Variants in PRKAG2 observed in about 807,000 individuals in gnomAD.
The protein encoded by PRKAG2 is 5'-AMP-activated protein kinase subunit gamma-2.
In PRKAG2, 26 loss-of-function variants were observed where a neutral mutation model predicts 69.6. The observed-to-expected ratio is 0.37, with a 90% confidence interval of 0.27 to 0.52. PRKAG2 has a LOEUF of 0.52. Among genes scored for constraint, PRKAG2 ranks in the 20% least tolerant of loss-of-function variants. The probability of loss-of-function intolerance (pLI) is 0.90; values close to 1 mark genes in which losing one functional copy is unlikely to be tolerated. For synonymous variants in PRKAG2, 293 were observed against 285.0 expected (o/e 1.03, Z -0.28); for missense variants, 557 against 740.0 (o/e 0.75, Z 2.87).
rs962215678 is a variant in PRKAG2 at position 151,835,125 on chromosome 7, G to A, written c.114+41382C>T. ...GGAAACGACCCTGTTTCCAAAAGAG[G>A]TCACATTCACAGGTACAGAGGGTTA... On this transcript the variant is annotated intron_variant, in intron 1 of 15. Transcript: ENST00000287878. The surrounding 1 kb of genome is among the most constrained non-coding windows in gnomAD (Gnocchi z 4.1). 2.0e-5 allele frequency among the ~76,000 whole-genome samples: 3 copies of A among 152,140 alleles called. No individual in the cohort carries two copies. Among genetic ancestry groups the A allele is most frequent in the African/African-American group, 7.2e-5 (3 of 41,418 alleles).
intron 6 of PRKAG2, among the ~76,000 whole-genome samples, chr7:151,591,810 T>C (rs1238802331): frequency 6.6e-6 from 1 of 152,042 alleles, no homozygotes; most frequent in African/African-American, 2.4e-5. Context: ...AGAGCAGACA[T>C]TGAGGGTTTT....
At chr7:151,565,042 CA>C (rs1388392467) in intron 13 of PRKAG2, among the ~76,000 whole-genome samples, 2 of 152,148 alleles carry the variant, frequency 1.3e-5, no homozygotes, top group Non-Finnish European at 2.9e-5. Flanking sequence ...GCGAATAAAT[CA>C]GGCCTCCTAC....
rs544464975 is a variant in PRKAG2, at chr7:151,814,740, AGGCAACGGTCTT to A, written c.115-28211_115-28200del. 0.012 allele frequency: 15,073 copies of A among 1,231,758 alleles called. 116 individuals are homozygous for A. Among genetic ancestry groups the A allele is most frequent in the Non-Finnish European group, 0.014 (13,626 of 987,982 alleles). 76.3% of individuals were successfully genotyped at this position (1,231,758 alleles called of 1,614,324 possible). ...AGCATGGGCTGGCCTAAGACAGCGC[AGGCAACGGTCTT>A]GGTGGCTGGAGCTGCTTTGCTGCTC... is the stretch of plus-strand genomic sequence containing the variant. On this transcript the variant is annotated intron_variant, in intron 1 of 15. Transcript: ENST00000287878. The surrounding 1 kb of genome is among the most constrained non-coding windows in gnomAD (Gnocchi z 4.8).
In PRKAG2 at chr7:151,786,460, G is replaced by C. The variant is rs759913875; in HGVS notation, c.186+10C>G. 9 of 1,607,484 alleles carry C rather than the reference G, an allele frequency of 5.6e-6. No individual in the cohort carries two copies. Among genetic ancestry groups the C allele is most frequent in the Non-Finnish European group, 7.6e-6 (9 of 1,176,778 alleles). On this transcript the variant is annotated intron_variant, in intron 2 of 15. Transcript: ENST00000287878. The stretch of plus-strand genomic sequence containing the variant: ...TGAGCTGTGAGAAACTTCTGGAAAG[G>C]AGGTCTTACCTTTCGAGAGGAATGC...
At chr7:151,601,139 G>C (rs913507247) in intron 5 of PRKAG2, among the ~76,000 whole-genome samples, 2 of 152,106 alleles carry the variant, frequency 1.3e-5, no homozygotes, top group Non-Finnish European at 2.9e-5. Context: ...CCCACAGGGG[G>C]ACACAATGAC....
intron 3 of PRKAG2, among the ~76,000 whole-genome samples, chr7:151,778,242 C>T (rs150229644): frequency 9.6e-4 from 146 of 152,252 alleles, no homozygotes; most frequent in Admixed American, 1.7e-3. Context: ...TTTGGGGAGA[C>T]TGATTTGAGT....
At chr7:151,677,555 G>A (rs539900347) in intron 3 of PRKAG2, among the ~76,000 whole-genome samples, 64 of 152,314 alleles carry the variant, frequency 4.2e-4, no homozygotes, top group African/African-American at 1.4e-3. Context: ...AATTATGCAA[G>A]TCAAACCAAA....
intron 3 of PRKAG2, among the ~76,000 whole-genome samples, chr7:151,772,389 C>T (rs559693689): frequency 6.6e-6 from 1 of 152,346 alleles, no homozygotes; most frequent in South Asian, 2.1e-4. Flanking sequence ...CCAAAACTCA[C>T]CTTCTAGAAT....
chr7:151,768,878 C>G (rs569474061), intron 3 of PRKAG2, among the ~76,000 whole-genome samples: 24 of 152,356 alleles, frequency 1.6e-4, no homozygotes, highest in African/African-American at 5.5e-4. Context: ...TAGCCTTGCT[C>G]TTTCTTCCCA....
intron 1 of PRKAG2, among the ~76,000 whole-genome samples, chr7:151,856,904 G>T (rs2079793071): frequency 6.6e-6 from 1 of 152,084 alleles, no homozygotes; most frequent in Non-Finnish European, 1.5e-5. Context: ...AACAAGAAGG[G>T]CGGAGAGAAA....
At chr7:151,679,553 G>C (rs1833511982) in intron 3 of PRKAG2, among the ~76,000 whole-genome samples, 1 of 152,140 alleles carries the variant, frequency 6.6e-6, no homozygotes, top group Non-Finnish European at 1.5e-5. Flanking sequence ...GGACCTGATG[G>C]GGCAGAGCTG....
chr7:151,671,283 G>T (rs1832004698), intron 4 of PRKAG2, among the ~76,000 whole-genome samples: 1 of 148,456 alleles, frequency 6.7e-6, no homozygotes, highest in Non-Finnish European at 1.5e-5. Flanking sequence ...TTATAAAAAT[G>T]ATCTTCATGG....
chr7:151,875,562 GGTGTGTGTGTGT>G (rs55660204), intron 1 of PRKAG2, among the ~76,000 whole-genome samples: 5,882 of 131,362 alleles, frequency 0.045, 147 homozygotes, highest in Non-Finnish European at 0.061. Flanking sequence ...GGAGCACTCT[GGTGTGTGTGTGT>G]GTGTGTGTGT....
intron 1 of PRKAG2, chr7:151,810,188 A>T (rs1563715633): frequency 6.6e-6 from 1 of 152,172 alleles, no homozygotes; most frequent in African/African-American, 2.4e-5. Context: ...AGCACCCCCA[A>T]ATGCTCACAT....
At chr7:151,560,920 GA>G (rs966145683) in intron 14 of PRKAG2, among the ~76,000 whole-genome samples, 15 of 151,852 alleles carry the variant, frequency 9.9e-5, no homozygotes, top group Admixed American at 6.6e-4. Flanking sequence ...CTCAGAAAAA[GA>G]AAAAAGCAAC....
At position 151,835,422 on chromosome 7, in the gene PRKAG2, T is replaced by A. The variant is rs1204847698; in HGVS notation, c.114+41085A>T. On this transcript the variant is annotated intron_variant, in intron 1 of 15. Coordinates refer to ENST00000287878, the MANE Select transcript of PRKAG2 (RefSeq NM_016203.4). The surrounding 1 kb of genome is among the most constrained non-coding windows in gnomAD (Gnocchi z 4.1). ...TTGCCCAGGCTGGTCTCGAACTCCT[T>A]GGCTCAAGTGATCCTCCCACCTCGG... 1.3e-5 allele frequency among the ~76,000 whole-genome samples: 2 copies of A among 151,928 alleles called. No homozygotes were observed. Among genetic ancestry groups the A allele is most frequent in the African/African-American group, 4.8e-5 (2 of 41,376 alleles).
intron 1 of PRKAG2, chr7:151,810,654 GTTATC>G (rs1229629997): frequency 6.5e-6 from 1 of 153,596 alleles, no homozygotes; most frequent in Non-Finnish European, 1.5e-5. Flanking sequence ...CCAAGCGTCT[GTTATC>G]TTATTTACTG....
chr7:151,559,798 G>C (rs1220897689), intron 15 of PRKAG2: 2 of 985,222 alleles, frequency 2.0e-6, no homozygotes, highest in Admixed American at 6.2e-5. Context: ...CCTGACAAAG[G>C]CTGGGTTGTT....
At chr7:151,608,025 A>C (rs1817912661) in intron 5 of PRKAG2, among the ~76,000 whole-genome samples, 1 of 152,044 alleles carries the variant, frequency 6.6e-6, no homozygotes, top group Non-Finnish European at 1.5e-5. Context: ...TCCTTATAAG[A>C]GAGAGAGAGA....
Sources: gnomAD v4.1 joint callset for allele counts (sites outside exome capture counted in the v4.1 genomes callset) on GRCh38, gnomAD v4.1.1 for gene constraint, Gnocchi (gnomAD v3.1) non-coding constraint, MANE v1.5 for transcripts, NCBI Gene and HGNC (gene_info 2026-07-23, HGNC 2026-07-21) for gene names.